Variants in NPAS2 observed in about 807,000 individuals in gnomAD.
NPAS2 encodes neuronal PAS domain protein 2.
In NPAS2, 23 loss-of-function variants were observed where a neutral mutation model predicts 107.5. The ratio of observed to expected loss-of-function variants is 0.21; its 90% CI spans 0.15 to 0.30. NPAS2 has a LOEUF of 0.30. NPAS2 is among the 10% of genes least tolerant of loss of function. The probability of loss-of-function intolerance (pLI) is 1.00; values close to 1 mark genes in which losing one functional copy is unlikely to be tolerated. For missense variants in NPAS2, 756 were observed against 1,043.3 expected (o/e 0.72, Z 3.79); for synonymous variants, 403 against 417.5 (o/e 0.97, Z 0.42).
At chr2:100,980,286 C>G (rs1354026126) in intron 15 of NPAS2, among the ~76,000 whole-genome samples, 3 of 152,130 alleles carry the variant, frequency 2.0e-5, no homozygotes, top group African/African-American at 7.2e-5. Flanking sequence ...GCTGAGTTTC[C>G]CGACTTCGTA....
At chr2:100,947,532 A>G (rs1424162144) in intron 5 of NPAS2, among the ~76,000 whole-genome samples, 3 of 150,112 alleles carry the variant, frequency 2.0e-5, no homozygotes, top group East Asian at 3.9e-4. Context: ...AGCCTGGGCA[A>G]CAAGAGCAAC....
At chr2:100,974,445 A>C (rs1676827079) in intron 12 of NPAS2, among the ~76,000 whole-genome samples, 2 of 152,228 alleles carry the variant, frequency 1.3e-5, no homozygotes, top group Admixed American at 6.5e-5. Context: ...GTCCACTGCC[A>C]GCAGCAACCT....
Position 100,878,135 on chromosome 2 carries a change from C to T in NPAS2, c.-22-26598C>T, listed in dbSNP as rs758090208. ...GTTTGGCAGCAGCTGAGACAAGCAGCCTGTGACAGAAGACAGCCTCCAGGG... is the reference window on the plus strand; with the variant it reads ...GTTTGGCAGCAGCTGAGACAAGCAGTCTGTGACAGAAGACAGCCTCCAGGG... On this transcript the variant is annotated intron_variant, in intron 1 of 20. Coordinates refer to ENST00000335681, the MANE Select transcript of NPAS2 (RefSeq NM_002518.4). The T allele has an allele frequency of 4.1e-6, 4 of 985,274 alleles. No individual in the cohort carries two copies. The African/African-American group carries it at 7.0e-5, about 17-fold the overall frequency. The allele number at this position is 985,274 out of a possible 1,614,324, so 61.0% of individuals were successfully genotyped here. A position where few individuals can be genotyped will look rare whatever the true frequency, so the allele number is the denominator to read the frequency against.
At chr2:100,990,209 C>T in intron 17 of NPAS2, 47 bp from the exon 18 acceptor site, 1 of 1,581,016 alleles carries the variant, frequency 6.3e-7, no homozygotes, top group South Asian at 1.1e-5. Flanking sequence ...AGAGATGGCC[C>T]AGGGTTGAGT....
chr2:100,904,887 A>G (rs1333575417), intron 2 of NPAS2, 101 bp downstream of exon 2: 3 of 800,962 alleles, frequency 3.7e-6, no homozygotes, highest in Non-Finnish European at 6.4e-6. Flanking sequence ...TGAGGCCACC[A>G]GCAAGATAGG....
intron 7 of NPAS2, among the ~76,000 whole-genome samples, chr2:100,952,991 G>A (rs1675328494): frequency 6.6e-6 from 1 of 152,064 alleles, no homozygotes; most frequent in African/African-American, 2.4e-5. Context: ...TGAGACAAGA[G>A]TTCCCCATGT....
intron 1 of NPAS2, among the ~76,000 whole-genome samples, chr2:100,885,325 T>A (rs976059326): frequency 6.6e-6 from 1 of 152,224 alleles, no homozygotes; most frequent in African/African-American, 2.4e-5. Context: ...ACAGAAAAAT[T>A]TTTAATGTTT....
At chr2:100,874,250 A>G (rs1679812534) in intron 1 of NPAS2, among the ~76,000 whole-genome samples, 1 of 151,946 alleles carries the variant, frequency 6.6e-6, no homozygotes. Context: ...CTCCCAAAGT[A>G]TATATAACCA....
In NPAS2 at chr2:100,820,151, GTT is replaced by G. The variant is rs1675987575; in HGVS notation, c.-284_-283del. ...CCCCGCCGGCTCTGCGTGCGGAAGA[GTT>G]TGCCGCGCGAGCAGCCGGCCTCTCG... On this transcript the variant is annotated 5_prime_UTR_variant, in exon 1 of 21. Coordinates refer to ENST00000335681, the MANE Select transcript of NPAS2 (RefSeq NM_002518.4). This position sits in a 1 kb window ranked among gnomAD's most constrained non-coding sequence, Gnocchi z 5.6. The G allele has an allele frequency of 1.3e-5, 2 of 151,284 alleles. No individual in the cohort carries two copies. Among genetic ancestry groups the G allele is most frequent in the African/African-American group, 4.8e-5 (2 of 41,294 alleles). The allele number at this position is 151,284 out of a possible 1,614,324, so 9.4% of individuals were successfully genotyped here. A position where few individuals can be genotyped will look rare whatever the true frequency, so the allele number is the denominator to read the frequency against.
chr2:100,873,357 CAT>C (rs1202587910), intron 1 of NPAS2, among the ~76,000 whole-genome samples: 31 of 133,530 alleles, frequency 2.3e-4, no homozygotes, highest in South Asian at 1.7e-3. Flanking sequence ...TACATACACA[CAT>C]ATGTGTATAT....
At chr2:100,901,210 TA>T (rs896793111) in intron 1 of NPAS2, among the ~76,000 whole-genome samples, 5 of 152,024 alleles carry the variant, frequency 3.3e-5, no homozygotes, top group Admixed American at 6.5e-5. Flanking sequence ...TGGGGAACGA[TA>T]AAACAAATAA....
chr2:100,937,563 T>C (rs954578150), intron 4 of NPAS2, among the ~76,000 whole-genome samples, 190 bp from the exon 5 acceptor site: 11 of 152,202 alleles, frequency 7.2e-5, no homozygotes, highest in African/African-American at 2.4e-4. Flanking sequence ...ACACTTTTCC[T>C]GGGCCAGACA....
intron 1 of NPAS2, among the ~76,000 whole-genome samples, chr2:100,837,171 T>C (rs1056489768): frequency 1.3e-5 from 2 of 152,210 alleles, no homozygotes; most frequent in African/African-American, 4.8e-5. Context: ...TCACTTGAGT[T>C]CGGGCAGAAT....
chr2:100,988,201 A>G lies in NPAS2; in HGVS notation c.1752A>G (p.Gln584=). Reference sequence around the variant, plus strand: ...AGCCCCAGCTCGGGGCGGGCCCCCAACTTCCAGGGCAGATCTCCTCTGCCC... The same window carrying G: ...AGCCCCAGCTCGGGGCGGGCCCCCAGCTTCCAGGGCAGATCTCCTCTGCCC... ...VTQPQLGAGP[Q]LPGQISSAQV... is the part of the protein sequence containing the mutation. Residue 584 remains glutamine (Q), a synonymous_variant, in exon 17 of 21, where the codon CAA becomes CAG. Coordinates refer to ENST00000335681, the MANE Select transcript of NPAS2 (RefSeq NM_002518.4). The G allele has an allele frequency of 1.2e-6, 2 of 1,614,130 alleles. No homozygotes were observed.
intron 1 of NPAS2, among the ~76,000 whole-genome samples, chr2:100,828,686 G>T (rs1676539906): frequency 6.6e-6 from 1 of 152,122 alleles, no homozygotes; most frequent in Admixed American, 6.6e-5. Context: ...TGTCAACTTT[G>T]TTGATGCTCA....
intron 7 of NPAS2, among the ~76,000 whole-genome samples, chr2:100,959,289 C>T (rs907637250): frequency 6.6e-6 from 1 of 150,630 alleles, no homozygotes. Flanking sequence ...AATTTTTTTG[C>T]AAAGCCCCAG....
At chr2:100,898,998 G>T (rs1229595793) in intron 1 of NPAS2, among the ~76,000 whole-genome samples, 1 of 152,062 alleles carries the variant, frequency 6.6e-6, no homozygotes, top group Non-Finnish European at 1.5e-5. Flanking sequence ...CCCGTATTCT[G>T]AGCCTGACTT....
At position 100,889,060 on chromosome 2, in the gene NPAS2, C is replaced by A. The variant is rs549540982; in HGVS notation, c.-22-15673C>A. Among the ~76,000 whole-genome samples, 150 of 152,314 alleles carry A rather than the reference C, an allele frequency of 9.8e-4. 1 individual carries two copies. The highest frequency in any genetic ancestry group is 3.4e-3 in the African/African-American group (142 of 41,576). On this transcript the variant is annotated intron_variant, in intron 1 of 20. Transcript: ENST00000335681. ...GATCTAAAACATCTTTAATATACAA[C>A]ATGAATATCTGAATGGACATTGAGA...
chr2:100,845,333 G>A (rs1343324594), intron 1 of NPAS2, among the ~76,000 whole-genome samples: 1 of 152,198 alleles, frequency 6.6e-6, no homozygotes, highest in African/African-American at 2.4e-5. Context: ...CTGGCTCCAT[G>A]CTGATTATTG....
Sources: gnomAD v4.1 joint callset for allele counts (sites outside exome capture counted in the v4.1 genomes callset) on GRCh38, gnomAD v4.1.1 for gene constraint, Gnocchi (gnomAD v3.1) non-coding constraint, MANE v1.5 for transcripts, NCBI Gene and HGNC (gene_info 2026-07-23, HGNC 2026-07-21) for gene names.